Variants in GABRG3 observed in about 807,000 individuals in gnomAD.
The protein encoded by GABRG3 is gamma-aminobutyric acid receptor subunit gamma-3.
In GABRG3, 25 loss-of-function variants were observed where a neutral mutation model predicts 48.8. The ratio of observed to expected loss-of-function variants is 0.51; its 90% CI spans 0.37 to 0.72. The LOEUF is 0.72. Among genes scored for constraint, GABRG3 ranks in the 30% least tolerant of loss-of-function variants. GABRG3 has a pLI of 0.00. For synonymous variants in GABRG3, 227 were observed against 217.6 expected (o/e 1.04, Z -0.38); for missense variants, 394 against 577.9 (o/e 0.68, Z 3.26).
intron 3 of GABRG3, among the ~76,000 whole-genome samples, chr15:27,094,417 T>G (rs2140759173): frequency 6.6e-6 from 1 of 152,328 alleles, no homozygotes; most frequent in Non-Finnish European, 1.5e-5. Flanking sequence ...TGCAGTGTAC[T>G]TGGTCTAGAA....
Position 27,538,822 on chromosome 15 carries a change from A to T in GABRG3, c.*5941A>T, listed in dbSNP as rs1029372285. The T allele has an allele frequency of 1.3e-5, 2 of 152,152 alleles. No individual in the cohort carries two copies. Among genetic ancestry groups the T allele is most frequent in the African/African-American group, 4.8e-5 (2 of 41,422 alleles). 9.4% of individuals were successfully genotyped at this position (152,152 alleles called of 1,614,324 possible). A position where few individuals can be genotyped will look rare whatever the true frequency, so the allele number is the denominator to read the frequency against. Reference sequence around the variant, plus strand: ...GACTCCGATTTCTCCCAGTTGCCTCACTTACTGAAGTTCGATCCCAGTGAA... The same window carrying T: ...GACTCCGATTTCTCCCAGTTGCCTCTCTTACTGAAGTTCGATCCCAGTGAA... On this transcript the variant is annotated 3_prime_UTR_variant, in exon 10 of 10. Coordinates refer to ENST00000615808, the MANE Select transcript of GABRG3 (RefSeq NM_033223.5).
chr15:27,156,342 G>A (rs1595556350), intron 3 of GABRG3, among the ~76,000 whole-genome samples: 2 of 148,776 alleles, frequency 1.3e-5, no homozygotes, highest in Admixed American at 1.3e-4. Flanking sequence ...GAAGTATTCT[G>A]TCTTGTTAGG....
intron 5 of GABRG3, chr15:27,350,256 G>T (rs1894516892): frequency 2.2e-6 from 1 of 448,848 alleles, no homozygotes; most frequent in Non-Finnish European, 4.5e-6. Flanking sequence ...AAGGCTCAGA[G>T]AGGTTGCATT....
rs958895344 is a variant in GABRG3 at position 27,437,292 on chromosome 15, C to T, written c.575-43358C>T. 4.6e-5 allele frequency among the ~76,000 whole-genome samples: 7 copies of T among 152,140 alleles called. 1 individual carries two copies. The highest frequency in any genetic ancestry group is 1.7e-4 in the African/African-American group (7 of 41,432). The stretch of plus-strand genomic sequence containing the variant: ...GTTTATATGTTTTAGAGTTGCTGAA[C>T]ACAGAACCCCTAAACATGTCTCTAA... On this transcript the variant is annotated intron_variant, in intron 5 of 9. Transcript: ENST00000615808.
chr15:27,070,454 A>G (rs1204954269), intron 3 of GABRG3, among the ~76,000 whole-genome samples: 2 of 152,204 alleles, frequency 1.3e-5, no homozygotes, highest in South Asian at 2.1e-4. Context: ...CACTCCACGT[A>G]TGAGTGAAAC....
At position 27,028,160 on chromosome 15, in the gene GABRG3, G is replaced by A. The variant is rs115024359; in HGVS notation, c.270+1339G>A. Among the ~76,000 whole-genome samples the A allele has an allele frequency of 9.3e-3, 1,421 of 152,326 alleles. 16 individuals carry two copies. Among genetic ancestry groups the A allele is most frequent in the African/African-American group, 0.033 (1,356 of 41,562 alleles). ...GGCTGCAGAGAAGGAGGCCGAGTGA[G>A]TGACAGGCTCCTTCACGGTGATACG... On this transcript the variant is annotated intron_variant, in intron 3 of 9. Transcript: ENST00000615808.
At chr15:27,403,930 A>AAAC (rs1305041289) in intron 5 of GABRG3, among the ~76,000 whole-genome samples, 12 of 119,108 alleles carry the variant, frequency 1.0e-4, no homozygotes, top group African/African-American at 4.4e-4. Context: ...AAAAAAAAAC[A>AAAC]AAAAAAAAAA....
intron 3 of GABRG3, among the ~76,000 whole-genome samples, chr15:27,099,550 A>G (rs1006964576): frequency 6.6e-6 from 1 of 152,160 alleles, no homozygotes; most frequent in African/African-American, 2.4e-5. Context: ...TGAAGACCCA[A>G]TCTCCAAATG....
chr15:27,198,550 A>C (rs921998364), intron 3 of GABRG3, among the ~76,000 whole-genome samples: 4 of 152,192 alleles, frequency 2.6e-5, no homozygotes, highest in Non-Finnish European at 5.9e-5. Context: ...TGTTGGTGGG[A>C]GTGTAAATTA....
At chr15:27,166,180 C>T (rs1887363395) in intron 3 of GABRG3, among the ~76,000 whole-genome samples, 1 of 152,042 alleles carries the variant, frequency 6.6e-6, no homozygotes, top group Non-Finnish European at 1.5e-5. Context: ...ATATCCATCT[C>T]CATATGAGAT....
chr15:27,384,330 C>G (rs1402157567), intron 5 of GABRG3, among the ~76,000 whole-genome samples: 1 of 152,098 alleles, frequency 6.6e-6, no homozygotes, highest in Non-Finnish European at 1.5e-5. Context: ...ACATTAAAAT[C>G]TAGTACAAGC....
intron 3 of GABRG3, among the ~76,000 whole-genome samples, chr15:27,200,810 C>T (rs998721895): frequency 6.6e-6 from 1 of 152,082 alleles, no homozygotes; most frequent in Non-Finnish European, 1.5e-5. Context: ...GTGTGCTACC[C>T]GTGGGTTACA....
chr15:27,002,437 A>G (rs545499247), intron 2 of GABRG3, among the ~76,000 whole-genome samples: 1 of 152,246 alleles, frequency 6.6e-6, no homozygotes, highest in South Asian at 2.1e-4. Flanking sequence ...TCATGGTGGT[A>G]TTTGTCTAAA....
chr15:27,088,674 C>T (rs992870625), intron 3 of GABRG3, among the ~76,000 whole-genome samples: 6 of 152,144 alleles, frequency 3.9e-5, no homozygotes, highest in Non-Finnish European at 8.8e-5. Context: ...CAGGAGAGAG[C>T]GAGCACCTGA....
rs551066120 is a variant in GABRG3 at position 27,194,379 on chromosome 15, C to T, written c.271-132430C>T. Among the ~76,000 whole-genome samples, 19 of 152,314 alleles carry T rather than the reference C, an allele frequency of 1.2e-4. No individual in the cohort carries two copies. The South Asian group carries it at 3.3e-3, about 27-fold the overall frequency. The stretch of plus-strand genomic sequence containing the variant: ...ATACTCTTCTTTCTTTTGTGAAGTT[C>T]CAAACCTTCCTTTATTGTCATGTCC... On this transcript the variant is annotated intron_variant, in intron 3 of 9. Transcript: ENST00000615808.
intron 3 of GABRG3, among the ~76,000 whole-genome samples, chr15:27,266,126 C>T (rs1046701134): frequency 2.6e-5 from 4 of 151,934 alleles, no homozygotes; most frequent in African/African-American, 4.8e-5. Context: ...GTGATCTGCC[C>T]GCCTCAGCCT....
intron 5 of GABRG3, among the ~76,000 whole-genome samples, chr15:27,398,666 G>GCGCGCACA (rs56278943): frequency 2.7e-5 from 4 of 147,306 alleles, no homozygotes; most frequent in South Asian, 4.3e-4. Context: ...ACAAGCGCGC[G>GCGCGCACA]CACACACACA....
intron 2 of GABRG3, among the ~76,000 whole-genome samples, chr15:26,991,442 A>T (rs1895246531): frequency 6.6e-6 from 1 of 151,896 alleles, no homozygotes; most frequent in Non-Finnish European, 1.5e-5. Flanking sequence ...ATAGTTTTTT[A>T]AAATTTTATT....
At chr15:27,172,871 C>T (rs190879217) in intron 3 of GABRG3, among the ~76,000 whole-genome samples, 53 of 152,270 alleles carry the variant, frequency 3.5e-4, no homozygotes, top group African/African-American at 1.3e-3. Flanking sequence ...TCGTCCAGGT[C>T]TGTTCACCTG....
Sources: gnomAD v4.1 joint callset for allele counts (sites outside exome capture counted in the v4.1 genomes callset) on GRCh38, gnomAD v4.1.1 for gene constraint, MANE v1.5 for transcripts, NCBI Gene and HGNC (gene_info 2026-07-23, HGNC 2026-07-21) for gene names.